Variants in APBA3 observed in about 807,000 individuals in gnomAD.
APBA3 encodes amyloid-beta A4 precursor protein-binding family A member 3.
APBA3 carries 45 observed loss-of-function variants against 55.9 expected under a neutral mutation model. The observed-to-expected ratio is 0.80, with a 90% confidence interval of 0.63 to 1.03. The LOEUF (loss-of-function observed/expected upper bound fraction) is 1.03. Among genes scored for constraint, APBA3 ranks in the 50% least tolerant of loss-of-function variants. The pLI, the probability that APBA3 is intolerant of heterozygous loss-of-function variation, is 0.00. For synonymous variants in APBA3, 370 were observed against 353.3 expected (o/e 1.05, Z -0.53); for missense variants, 865 against 820.3 (o/e 1.05, Z -0.67).
At chr19:3,754,361 G>T in intron 3 of APBA3, 21 bp from the exon 4 acceptor site, 1 of 1,548,328 alleles carries the variant, frequency 6.5e-7, no homozygotes, top group Non-Finnish European at 8.7e-7. Context: ...CAGCGAAGAG[G>T]GTCGGCCCCC....
intron 3 of APBA3, chr19:3,754,848 G>A (rs946800884): frequency 3.3e-5 from 5 of 152,900 alleles, no homozygotes; most frequent in African/African-American, 1.2e-4. Context: ...TGTATTTTTA[G>A]TAGAGACGGG....
intron 6 of APBA3, chr19:3,753,337 CGA>C: frequency 4.9e-6 from 2 of 411,842 alleles, no homozygotes; most frequent in South Asian, 7.6e-5. Flanking sequence ...GGGAGTCGGC[CGA>C]GAGTCTTGGA....
At chr19:3,756,690 T>C (rs1311392750) in intron 3 of APBA3, 6 of 152,064 alleles carry the variant, frequency 3.9e-5, no homozygotes, top group Admixed American at 3.3e-4. Flanking sequence ...GCCACTGCAC[T>C]GCAGCCTGGG....
chr19:3,752,810 CCTCA>C lies in APBA3; in HGVS notation c.1182+6_1182+9del, dbSNP rs1452212806. ...GGCACCAGGTGGGGGCTGCCCAGCACCTCACTCACCTCCCGGCAGTTGTCACTGT... is the reference window on the plus strand; with the variant it reads ...GGCACCAGGTGGGGGCTGCCCAGCACCTCACCTCCCGGCAGTTGTCACTGT... On this transcript the variant is annotated splice_donor_region_variant and intron_variant, in intron 7 of 10. Coordinates refer to ENST00000316757, the MANE Select transcript of APBA3 (RefSeq NM_004886.4). 1.1e-5 allele frequency: 17 copies of C among 1,612,362 alleles called. No homozygotes were observed. The highest frequency in any genetic ancestry group is 1.4e-5 in the Non-Finnish European group (17 of 1,179,512).
intron 3 of APBA3, among the ~76,000 whole-genome samples, chr19:3,757,949 T>G (rs1203692197): frequency 3.3e-5 from 5 of 152,246 alleles, no homozygotes; most frequent in Non-Finnish European, 5.9e-5. Flanking sequence ...TTTTTCTTTT[T>G]TTAGAGACAG....
At chr19:3,759,667 T>C (rs763024322) in intron 2 of APBA3, 22 bp downstream of exon 2, 1 of 1,610,244 alleles carries the variant, frequency 6.2e-7, no homozygotes, top group Non-Finnish European at 8.5e-7. Flanking sequence ...CCAGGATGCC[T>C]GGAGGGCGGG....
chr19:3,760,120 G>A lies in APBA3; in HGVS notation c.145C>T (p.Arg49Trp), dbSNP rs200728837. Residue 49 changes from arginine to tryptophan, a missense_variant, in exon 2 of 11, where the codon CGG (arginine) becomes TGG (tryptophan). By Grantham distance (101) the Arg-to-Trp change is moderately radical. Transcript: ENST00000316757. ...AGGCTTGACTCATCAAGTTCCATCC[G>A]ACTGAGGCTGCCGGGGCCTCCTGGC... is the stretch of plus-strand genomic sequence containing the variant. ...PMPGGPGSLS[R>W]MELDESSLQE... is the part of the protein sequence containing the mutation. The A allele has an allele frequency of 6.0e-5, 97 of 1,613,470 alleles. No homozygotes were observed. Among genetic ancestry groups the A allele is most frequent in the East Asian group, 2.2e-5 (1 of 44,876 alleles).
In APBA3 at chr19:3,752,614, CCCCCGTGCAGCAGGTT is replaced by C. The variant is rs1568392242; in HGVS notation, c.1273_1288del (p.Asn425GlyfsTer15). The C allele has an allele frequency of 2.5e-6, 4 of 1,586,768 alleles. No individual in the cohort carries two copies. The highest frequency in any genetic ancestry group is 3.4e-6 in the Non-Finnish European group (4 of 1,172,044). ...GAGGGCCCCCGAGCGCTCAGCAGGC[CCCCCGTGCAGCAGGTT>C]GGCGATGACGGCTGTGGGCAGCAGG... is the stretch of plus-strand genomic sequence containing the variant. On this transcript the variant is annotated frameshift_variant, in exon 8 of 11. Coordinates refer to ENST00000316757, the MANE Select transcript of APBA3 (RefSeq NM_004886.4). LOFTEE classifies it high-confidence loss of function.
intron 8 of APBA3, among the ~76,000 whole-genome samples, chr19:3,752,119 A>G (rs1010731258): frequency 9.2e-5 from 14 of 152,100 alleles, no homozygotes; most frequent in African/African-American, 3.4e-4. Flanking sequence ...GAGGCTGAGG[A>G]AGGAGATTTG....
chr19:3,759,666 C>A (rs1297589065), intron 2 of APBA3, 23 bp downstream of exon 2: 1 of 1,610,312 alleles, frequency 6.2e-7, no homozygotes, highest in Non-Finnish European at 8.5e-7. Context: ...TCCAGGATGC[C>A]TGGAGGGCGG....
In APBA3 at chr19:3,759,583, A is replaced by C. The variant is rs746866181; in HGVS notation, c.594T>G (p.Ala198=). The C allele has an allele frequency of 6.2e-6, 10 of 1,600,560 alleles. No individual in the cohort carries two copies. In the Admixed American group the frequency reaches 1.8e-4, roughly 28 times the overall value. The change falls in exon 3 of 11, where the codon GCT becomes GCG. Residue 198 remains alanine, a synonymous_variant. Transcript: ENST00000316757. ...PAGAQSPETL[A]SYPAPQEVPG... ...CACCCTCCTGGGGGGCAGGGTAGGA[A>C]GCCAGGGTCTCGGGGCTCTGGAAGA... is the stretch of plus-strand genomic sequence containing the variant.
intron 3 of APBA3, chr19:3,756,611 TACTC>T (rs762486168): frequency 5.3e-5 from 8 of 152,194 alleles, no homozygotes; most frequent in Non-Finnish European, 1.0e-4. Context: ...TAGTTCCAGT[TACTC>T]AGGAGGCTGA....
Position 3,754,278 on chromosome 19 carries a change from C to T in APBA3, c.679G>A (p.Gly227Arg). Reference protein sequence around the residue: ...DGVIFGARYLGSTQLVSERNP... With the variant: ...DGVIFGARYLRSTQLVSERNP... ...CGTTCCGACACCAGCTGGGTGGACC[C>T]CAGGTACCTGGCCCCAAATATGACA... The change falls in exon 4 of 11, where the codon GGG (glycine) becomes AGG (arginine). Residue 227 changes from glycine to arginine, a missense_variant. Physicochemically the swap from Gly to Arg is moderately radical, Grantham distance 125 (BLOSUM62 -2). Transcript: ENST00000316757. 1 of 1,551,156 alleles carries T rather than the reference C, an allele frequency of 6.4e-7. No homozygotes were observed. Among genetic ancestry groups the T allele is most frequent in the Non-Finnish European group, 8.7e-7 (1 of 1,148,418 alleles).
At chr19:3,752,798 G>A (rs762579171) in intron 7 of APBA3, 22 bp downstream of exon 7, 3 of 1,611,322 alleles carry the variant, frequency 1.9e-6, no homozygotes, top group Non-Finnish European at 2.5e-6. Flanking sequence ...ACCAGGTGGG[G>A]GCTGCCCAGC....
chr19:3,760,344 G>C (rs1422841182), intron 1 of APBA3, 43 bp from the exon 2 acceptor site: 4 of 1,319,664 alleles, frequency 3.0e-6, no homozygotes, highest in African/African-American at 3.0e-5. Flanking sequence ...CCCGGGTGCA[G>C]TGGCTCATGC....
intron 3 of APBA3, among the ~76,000 whole-genome samples, chr19:3,758,751 A>G (rs569691353): frequency 1.5e-3 from 230 of 151,936 alleles, no homozygotes; most frequent in South Asian, 4.4e-3. Flanking sequence ...GGTGGCGAGC[A>G]CCTGTAATCC....
At position 3,753,821 on chromosome 19, in the gene APBA3, G is replaced by A; in HGVS notation, c.955C>T (p.Gln319Ter). The A allele has an allele frequency of 2.5e-6, 4 of 1,576,146 alleles. No individual in the cohort carries two copies. Among genetic ancestry groups the A allele is most frequent in the Non-Finnish European group, 2.6e-6 (3 of 1,163,266 alleles). ...RRRLARRPAP[Q>*]DHGRRLYKML... ...TTGTAGAGGCGGCGGCCGTGGTCCT[G>A]GGGTGCCGGCCTCCGTGCCAGCCGC... Residue 319 changes from glutamine to a stop codon, truncating the protein, a stop_gained, in exon 6 of 11, where the codon CAG (glutamine) becomes TAG (stop). Coordinates refer to ENST00000316757, the MANE Select transcript of APBA3 (RefSeq NM_004886.4). LOFTEE classifies it high-confidence loss of function.
Position 3,754,077 on chromosome 19 carries a change from G to A in APBA3, c.791C>T (p.Thr264Met), listed in dbSNP as rs774635160. 1.2e-6 allele frequency: 2 copies of A among 1,609,422 alleles called. No individual in the cohort carries two copies. The highest frequency in any genetic ancestry group is 2.2e-5 in the East Asian group (1 of 44,728). Residue 264 changes from threonine (T) to methionine (M), a missense_variant, in exon 5 of 11, where the codon ACG becomes ATG. Physicochemically the swap from Thr to Met is moderately conservative, Grantham distance 81. Transcript: ENST00000316757. ...KAPDGETQPMTEVDLFVSTKR... is the reference protein window; with the variant it reads ...KAPDGETQPMMEVDLFVSTKR... ...GGTGGAGACGAACAGGTCCACCTCC[G>A]TCATGGGCTGGGTCTCCCCATCGGG...
chr19:3,753,958 G>C, intron 5 of APBA3, 32 bp from the exon 6 acceptor site: 1 of 1,562,730 alleles, frequency 6.4e-7, no homozygotes, highest in South Asian at 1.2e-5. Context: ...GGGTGGGTTG[G>C]GGGGCCGTGC....
Sources: gnomAD v4.1 joint callset for allele counts (sites outside exome capture counted in the v4.1 genomes callset) on GRCh38, gnomAD v4.1.1 for gene constraint, MANE v1.5 for transcripts, NCBI Gene and HGNC (gene_info 2026-07-23, HGNC 2026-07-21) for gene names.